The following MAP2K5 variants were observed in gnomAD, a reference collection of about 807,000 sequenced individuals.
MAP2K5 encodes dual specificity mitogen-activated protein kinase kinase 5.
Under a neutral mutation model 83.1 loss-of-function variants are expected in MAP2K5, and 49 were observed. The ratio of observed to expected loss-of-function variants is 0.59; its 90% CI spans 0.47 to 0.75. The LOEUF is 0.75. MAP2K5 is among the 30% of genes least tolerant of loss of function. The probability of loss-of-function intolerance (pLI) is 0.00; values close to 1 mark genes in which losing one functional copy is unlikely to be tolerated. For missense variants in MAP2K5, 457 were observed against 557.5 expected (o/e 0.82, Z 1.82); for synonymous variants, 202 against 191.8 (o/e 1.05, Z -0.44).
chr15:67,710,134 C>G (rs572388875), intron 16 of MAP2K5, among the ~76,000 whole-genome samples: 1 of 152,196 alleles, frequency 6.6e-6, no homozygotes, highest in South Asian at 2.1e-4. Context: ...GTAGCTAGGA[C>G]TACAGGTGCA....
In MAP2K5 at chr15:67,760,449, AT is replaced by A. The variant is rs1299324223; in HGVS notation, c.1135-9152del. On this transcript the variant is annotated intron_variant, in intron 19 of 21. Coordinates refer to ENST00000178640, the MANE Select transcript of MAP2K5 (RefSeq NM_145160.3). The surrounding 1 kb of genome is among the most constrained non-coding windows in gnomAD (Gnocchi z 4.1). ...ATTTTATTAACTATTGCTGAAAAAA[AT>A]CTATATTTTTATTATTTCCAAGTGG... Among the ~76,000 whole-genome samples the A allele has an allele frequency of 1.2e-4, 19 of 152,350 alleles. No homozygotes were observed. The highest frequency in any genetic ancestry group is 2.4e-4 in the Non-Finnish European group (16 of 68,032).
rs1193364262 is a variant in MAP2K5, at chr15:67,572,740, C to T, written c.253-8014C>T. Among the ~76,000 whole-genome samples the T allele has an allele frequency of 3.3e-5, 5 of 151,642 alleles. No individual in the cohort carries two copies. Among genetic ancestry groups the T allele is most frequent in the African/African-American group, 1.2e-4 (5 of 41,230 alleles). ...TTTGAGATGGAGTCTTGCTCTGTTG[C>T]CCAGGCTGGAGTGCAGTGGTTCGAT... On this transcript the variant is annotated intron_variant, in intron 3 of 21. Coordinates refer to ENST00000178640, the MANE Select transcript of MAP2K5 (RefSeq NM_145160.3). This position sits in a 1 kb window ranked among gnomAD's most constrained non-coding sequence, Gnocchi z 4.2.
At chr15:67,630,268 G>A (rs1408377797) in intron 8 of MAP2K5, among the ~76,000 whole-genome samples, 1 of 152,014 alleles carries the variant, frequency 6.6e-6, no homozygotes, top group East Asian at 1.9e-4. Flanking sequence ...AAACACAAAA[G>A]GTCTTGATGG....
chr15:67,712,205 G>T (rs1045286368), intron 16 of MAP2K5, among the ~76,000 whole-genome samples: 14 of 152,214 alleles, frequency 9.2e-5, no homozygotes, highest in African/African-American at 3.4e-4. Context: ...TACACTCAAA[G>T]ATTACTTTTC....
chr15:67,606,036 CAT>C (rs1187195926), intron 8 of MAP2K5, among the ~76,000 whole-genome samples: 1 of 152,096 alleles, frequency 6.6e-6, no homozygotes, highest in Non-Finnish European at 1.5e-5. Flanking sequence ...GGTAGTATGT[CAT>C]ATGGAAATAA....
At chr15:67,617,035 A>C (rs1224090449) in intron 8 of MAP2K5, among the ~76,000 whole-genome samples, 1 of 152,226 alleles carries the variant, frequency 6.6e-6, no homozygotes, top group East Asian at 1.9e-4. Flanking sequence ...TGGCAATACT[A>C]TCATTTCAGT....
In MAP2K5 at chr15:67,543,583, C is replaced by G. The variant is rs2084338259; in HGVS notation, c.135+113C>G. On this transcript the variant is annotated intron_variant, in intron 1 of 21. Coordinates refer to ENST00000178640, the MANE Select transcript of MAP2K5 (RefSeq NM_145160.3). This position sits in a 1 kb window ranked among gnomAD's most constrained non-coding sequence, Gnocchi z 4.3. Reference sequence around the variant, plus strand: ...AGTGGCAATGGCTACTGCTGGCTTCCTGTGGAGGCAGTTTTATTGCTTCAG... The same window carrying G: ...AGTGGCAATGGCTACTGCTGGCTTCGTGTGGAGGCAGTTTTATTGCTTCAG... 8.0e-7 allele frequency: 1 copy of G among 1,244,886 alleles called. No homozygotes were observed. The allele number at this position is 1,244,886 out of a possible 1,614,324, so 77.1% of individuals were successfully genotyped here.
In MAP2K5 at chr15:67,744,721, C is replaced by T. The variant is rs552007907; in HGVS notation, c.1075-3510C>T. ...GACTTCCAAAATTGCTTTTTATCAC[C>T]AGAGCCATTGGCTAAATAGTTGAGG... On this transcript the variant is annotated intron_variant, in intron 17 of 21. Transcript: ENST00000178640. Among the ~76,000 whole-genome samples the T allele has an allele frequency of 2.6e-5, 4 of 152,294 alleles. No individual in the cohort carries two copies. The East Asian group carries it at 5.8e-4, about 22-fold the overall frequency.
In MAP2K5 at chr15:67,768,186, C is replaced by T. The variant is rs909157113; in HGVS notation, c.1135-1416C>T. ...TGGAAACAAAGCCTTAATAAGAGTT[C>T]TAGTTAATTTTCTGTCTTGTAATTA... On this transcript the variant is annotated intron_variant, in intron 19 of 21. Transcript: ENST00000178640. The surrounding 1 kb of genome is among the most constrained non-coding windows in gnomAD (Gnocchi z 4.0). Among the ~76,000 whole-genome samples, 2 of 152,030 alleles carry T rather than the reference C, an allele frequency of 1.3e-5. No homozygotes were observed. Among genetic ancestry groups the T allele is most frequent in the African/African-American group, 4.8e-5 (2 of 41,384 alleles).
At chr15:67,597,365 G>T (rs1438994898) in intron 7 of MAP2K5, among the ~76,000 whole-genome samples, 2 of 152,132 alleles carry the variant, frequency 1.3e-5, no homozygotes, top group African/African-American at 2.4e-5. Context: ...TGGGCCAGTG[G>T]CCATTGATAG....
At chr15:67,578,288 T>C (rs758191583) in intron 3 of MAP2K5, among the ~76,000 whole-genome samples, 1 of 152,180 alleles carries the variant, frequency 6.6e-6, no homozygotes, top group Non-Finnish European at 1.5e-5. Context: ...AGAGGTACCA[T>C]GCATGGCCCT....
chr15:67,795,026 A>T (rs979425573), intron 21 of MAP2K5, among the ~76,000 whole-genome samples: 4 of 152,184 alleles, frequency 2.6e-5, no homozygotes, highest in Non-Finnish European at 5.9e-5. Context: ...CACCATTATC[A>T]CTTCTCCACT....
Position 67,728,505 on chromosome 15 carries a change from A to G in MAP2K5, c.1074+560A>G, listed in dbSNP as rs545127584. On this transcript the variant is annotated intron_variant, in intron 17 of 21. Coordinates refer to ENST00000178640, the MANE Select transcript of MAP2K5 (RefSeq NM_145160.3). ...TCTAATCTTTATTAAAATTTCTTTA[A>G]GATTTTTATTATAGAAGGGTACCAG... 2.0e-5 allele frequency among the ~76,000 whole-genome samples: 3 copies of G among 152,216 alleles called. No homozygotes were observed. The South Asian group carries it at 6.2e-4, about 31-fold the overall frequency.
In MAP2K5 at chr15:67,665,652, T is replaced by C. The variant is rs989773104; in HGVS notation, c.847+1007T>C. 3.9e-5 allele frequency among the ~76,000 whole-genome samples: 6 copies of C among 152,186 alleles called. No individual in the cohort carries two copies. The highest frequency in any genetic ancestry group is 6.5e-5 in the Admixed American group (1 of 15,274). ...GAAATCCTCCTTTTTAATGAGGGTA[T>C]CTAGATTTTGACAAATCAAATAGTC... is the stretch of plus-strand genomic sequence containing the variant. On this transcript the variant is annotated intron_variant, in intron 13 of 21. Coordinates refer to ENST00000178640, the MANE Select transcript of MAP2K5 (RefSeq NM_145160.3). This position sits in a 1 kb window ranked among gnomAD's most constrained non-coding sequence, Gnocchi z 4.2.
At chr15:67,659,668 G>A (rs1326003778) in intron 12 of MAP2K5, among the ~76,000 whole-genome samples, 18 of 152,000 alleles carry the variant, frequency 1.2e-4, no homozygotes, top group Non-Finnish European at 1.5e-5. Flanking sequence ...ATGCTTTGTG[G>A]CTTTTGGCAG....
intron 11 of MAP2K5, among the ~76,000 whole-genome samples, chr15:67,653,231 T>G (rs1399969297): frequency 6.6e-6 from 1 of 152,160 alleles, no homozygotes; most frequent in Non-Finnish European, 1.5e-5. Flanking sequence ...TTGAGTCTCC[T>G]CACTTATTTT....
intron 8 of MAP2K5, among the ~76,000 whole-genome samples, chr15:67,601,349 G>T (rs2085654206): frequency 6.6e-6 from 1 of 152,150 alleles, no homozygotes; most frequent in African/African-American, 2.4e-5. Flanking sequence ...ATAAAAAATA[G>T]TTCTCCGACA....
intron 17 of MAP2K5, among the ~76,000 whole-genome samples, chr15:67,739,422 CTATATATATATATATATATATATATATA>C (rs1381294022): frequency 4.3e-5 from 2 of 46,662 alleles, no homozygotes; most frequent in African/African-American, 8.2e-5. Flanking sequence ...TTGTGTGTGA[CTATATATATATATATATATATATATATA>C]TATATATATA....
At position 67,781,045 on chromosome 15, in the gene MAP2K5, T is replaced by TA. The variant is rs1818839225; in HGVS notation, c.1242+8294dup. ...TGATGACAGGGGACCCGAAGGTTTT[T>TA]ATCTGTCAGCACATCAGATGCATGC... On this transcript the variant is annotated intron_variant, in intron 21 of 21. Coordinates refer to ENST00000178640, the MANE Select transcript of MAP2K5 (RefSeq NM_145160.3). The surrounding 1 kb of genome is among the most constrained non-coding windows in gnomAD (Gnocchi z 4.0). Among the ~76,000 whole-genome samples the TA allele has an allele frequency of 6.6e-6, 1 of 152,244 alleles. No individual in the cohort carries two copies. Among genetic ancestry groups the TA allele is most frequent in the South Asian group, 2.1e-4 (1 of 4,830 alleles).
Sources: allele counts gnomAD v4.1 joint callset (sites outside exome capture counted in the v4.1 genomes callset), GRCh38; gene constraint gnomAD v4.1.1; non-coding constraint Gnocchi (gnomAD v3.1); transcripts MANE v1.5; gene names NCBI Gene and HGNC (gene_info 2026-07-23, HGNC 2026-07-21).